The following MAL variants were observed in gnomAD, a reference collection of about 807,000 sequenced individuals.
MAL encodes the protein mal, T cell differentiation protein (MAL blood group).
In MAL, 5 loss-of-function variants were observed where a neutral mutation model predicts 16.7. The ratio of observed to expected loss-of-function variants is 0.30; its 90% confidence interval spans 0.16 to 0.63. The LOEUF (loss-of-function observed/expected upper bound fraction) is 0.63, where lower values mean the gene tolerates loss of function less well. MAL is among the 30% of genes least tolerant of loss of function. MAL has a pLI of 0.82. For missense variants in MAL, 202 were observed against 195.8 expected (o/e 1.03, Z -0.19); for synonymous variants, 96 against 85.5 (o/e 1.12, Z -0.67).
At position 95,047,947 on chromosome 2, in the gene MAL, C is replaced by G. The variant is rs1381226349; in HGVS notation, c.94-12C>G. On this transcript the variant is annotated splice_polypyrimidine_tract_variant and intron_variant, in intron 1 of 3. Transcript: ENST00000309988. ...CTCTAGGCCAAAACTCACCCCTCCT[C>G]CTCCCCCGCAGATCTTCGGGGGCCT... The G allele has an allele frequency of 1.9e-6, 3 of 1,611,608 alleles. No homozygotes were observed. The African/African-American group carries it at 4.0e-5, about 22-fold the overall frequency.
At chr2:95,037,306 G>A (rs1176330141) in intron 1 of MAL, among the ~76,000 whole-genome samples, 1 of 149,828 alleles carries the variant, frequency 6.7e-6, no homozygotes, top group Admixed American at 6.6e-5. Context: ...ACTGATGGGT[G>A]AGTGAATGAG....
chr2:95,044,942 G>T (rs1413663184), intron 1 of MAL, among the ~76,000 whole-genome samples: 1 of 152,224 alleles, frequency 6.6e-6, no homozygotes, highest in Non-Finnish European at 1.5e-5. Context: ...AGTGGAGTGA[G>T]ATGACTCTGC....
chr2:95,047,788 C>T (rs1674623716), intron 1 of MAL, among the ~76,000 whole-genome samples, 171 bp from the exon 2 acceptor site: 1 of 152,162 alleles, frequency 6.6e-6, no homozygotes, highest in Admixed American at 6.5e-5. Flanking sequence ...CAGCACAGGG[C>T]CCTGGGGGGA....
chr2:95,031,704 G>T (rs953526755), intron 1 of MAL, among the ~76,000 whole-genome samples: 1 of 152,236 alleles, frequency 6.6e-6, no homozygotes, highest in Non-Finnish European at 1.5e-5. Flanking sequence ...CGCTTGGCCA[G>T]AATGGGATGG....
At chr2:95,043,800 C>T (rs1021129491) in intron 1 of MAL, among the ~76,000 whole-genome samples, 1 of 152,234 alleles carries the variant, frequency 6.6e-6, no homozygotes, top group African/African-American at 2.4e-5. Flanking sequence ...GCTCTGCAGT[C>T]CTCCCTGGGC....
intron 2 of MAL, 81 bp downstream of exon 2, chr2:95,048,207 C>T: frequency 1.4e-6 from 2 of 1,410,190 alleles, no homozygotes; most frequent in Middle Eastern, 1.8e-4. Flanking sequence ...TGGGCTTTTC[C>T]AGTGCCAGGT....
Position 95,048,160 on chromosome 2 carries a change from G to A in MAL, c.261+34G>A, listed in dbSNP as rs532790884. The A allele has an allele frequency of 6.4e-6, 10 of 1,574,482 alleles. No individual in the cohort carries two copies. In the South Asian group the frequency reaches 1.1e-4, roughly 17 times the overall value. On this transcript the variant is annotated intron_variant, in intron 2 of 3. Transcript: ENST00000309988. ...AGCCCAGGGTGGCTGCTGGTTGTAG[G>A]GGGGCGCAGGAAGTACTGGTCCCTG...
At chr2:95,049,867 G>C (rs1302943006) in intron 3 of MAL, among the ~76,000 whole-genome samples, 161 bp downstream of exon 3, 2 of 152,106 alleles carry the variant, frequency 1.3e-5, no homozygotes, top group South Asian at 4.2e-4. Flanking sequence ...CCCCGAGAAG[G>C]GCAGTGTCAT....
At chr2:95,026,777 A>C (rs113447743) in intron 1 of MAL, 7 of 152,044 alleles carry the variant, frequency 4.6e-5, no homozygotes, top group African/African-American at 1.7e-4. Flanking sequence ...GCGGTCCGTC[A>C]CCGCCTGAGG....
At chr2:95,040,760 TC>T (rs1446912309) in intron 1 of MAL, among the ~76,000 whole-genome samples, 4 of 152,136 alleles carry the variant, frequency 2.6e-5, no homozygotes, top group African/African-American at 9.7e-5. Context: ...GGACATCTCT[TC>T]TTTTCCTTTC....
chr2:95,048,552 C>G (rs1373455841), intron 2 of MAL, among the ~76,000 whole-genome samples: 4 of 152,222 alleles, frequency 2.6e-5, no homozygotes, highest in Non-Finnish European at 4.4e-5. Context: ...TACTGTCCAG[C>G]TCCTCAGCCA....
chr2:95,032,604 G>A (rs763639573), intron 1 of MAL, among the ~76,000 whole-genome samples: 11 of 152,216 alleles, frequency 7.2e-5, no homozygotes, highest in African/African-American at 2.4e-4. Context: ...AAGCAGGAAC[G>A]TTCTGGGGTG....
chr2:95,048,005 C>T lies in MAL; in HGVS notation c.140C>T (p.Pro47Leu), dbSNP rs1237722748. Residue 47 changes from proline to leucine, a missense_variant, in exon 2 of 4, where the codon CCC becomes CTC. Coordinates refer to ENST00000309988, the MANE Select transcript of MAL (RefSeq NM_002371.4). The part of the protein sequence containing the change: ...VWILVASSLV[P>L]WPLVQGWVMF... ...ATCCTGGTGGCCTCCTCCCTGGTGCCCTGGCCCCTGGTCCAGGGCTGGGTG... is the reference window on the plus strand; with the variant it reads ...ATCCTGGTGGCCTCCTCCCTGGTGCTCTGGCCCCTGGTCCAGGGCTGGGTG... 6.2e-6 allele frequency: 10 copies of T among 1,606,350 alleles called. No individual in the cohort carries two copies. Among genetic ancestry groups the T allele is most frequent in the African/African-American group, 1.4e-5 (1 of 72,688 alleles).
At chr2:95,028,176 A>C (rs1348177289) in intron 1 of MAL, among the ~76,000 whole-genome samples, 2 of 148,408 alleles carry the variant, frequency 1.3e-5, no homozygotes, top group South Asian at 4.3e-4. Flanking sequence ...AAAAAAAAAA[A>C]CCCGGCTTGG....
At chr2:95,031,609 C>T (rs1674084852) in intron 1 of MAL, among the ~76,000 whole-genome samples, 1 of 152,186 alleles carries the variant, frequency 6.6e-6, no homozygotes, top group South Asian at 2.1e-4. Flanking sequence ...CAAGTCAGAC[C>T]AGGGACCTCC....
Position 95,036,107 on chromosome 2 carries a change from G to A in MAL, c.93+10222G>A, listed in dbSNP as rs905707005. 2.0e-5 allele frequency among the ~76,000 whole-genome samples: 3 copies of A among 152,290 alleles called. No homozygotes were observed. The South Asian group carries it at 6.2e-4, about 32-fold the overall frequency. On this transcript the variant is annotated intron_variant, in intron 1 of 3. Transcript: ENST00000309988. ...AGCTGGGGGTGATGATGGCATGAGGGGTCCCTCTGGGAGGAAGAAGCCTGC... is the reference window on the plus strand; with the variant it reads ...AGCTGGGGGTGATGATGGCATGAGGAGTCCCTCTGGGAGGAAGAAGCCTGC...
chr2:95,049,746 C>A (rs1293726834), intron 3 of MAL, 40 bp downstream of exon 3: 2 of 1,611,240 alleles, frequency 1.2e-6, no homozygotes, highest in East Asian at 4.5e-5. Flanking sequence ...CAGCGGGCGG[C>A]TCCGTGGCTG....
chr2:95,036,966 T>TAG (rs1674230737), intron 1 of MAL, among the ~76,000 whole-genome samples: 1 of 149,338 alleles, frequency 6.7e-6, no homozygotes, highest in African/African-American at 2.5e-5. Flanking sequence ...AGTGACTGAG[T>TAG]GACCGAGTGA....
intron 3 of MAL, among the ~76,000 whole-genome samples, chr2:95,052,469 G>A (rs191017132): frequency 3.3e-5 from 5 of 152,350 alleles, no homozygotes; most frequent in African/African-American, 1.2e-4. Context: ...TCCAGGCAAT[G>A]AGGGAAAGGG....
Sources: gnomAD v4.1 joint callset for allele counts (sites outside exome capture counted in the v4.1 genomes callset) on GRCh38, gnomAD v4.1.1 for gene constraint, MANE v1.5 for transcripts, NCBI Gene and HGNC (gene_info 2026-07-23, HGNC 2026-07-21) for gene names.